Variants in ZNF8 observed in about 807,000 individuals in gnomAD.
The protein encoded by ZNF8 is zinc finger protein 8.
In ZNF8, 9 loss-of-function variants were observed where a neutral mutation model predicts 12.2. The observed-to-expected ratio is 0.73, with a 90% confidence interval of 0.44 to 1.28. The LOEUF is 1.28. ZNF8 is among the 50% of genes most tolerant of loss of function. ZNF8 has a pLI of 0.00. For missense variants in ZNF8, 664 were observed against 729.1 expected (o/e 0.91, Z 1.03); for synonymous variants, 274 against 282.3 (o/e 0.97, Z 0.30).
In ZNF8 at chr19:58,302,093, T is replaced by C. The variant is rs770106980; in HGVS notation, c.*6557T>C. 1.3e-5 allele frequency: 2 copies of C among 152,202 alleles called. No individual in the cohort carries two copies. Among genetic ancestry groups the C allele is most frequent in the Non-Finnish European group, 2.9e-5 (2 of 68,026 alleles). The allele number at this position is 152,202 out of a possible 1,614,324, so 9.4% of individuals were successfully genotyped here. On this transcript the variant is annotated 3_prime_UTR_variant, in exon 4 of 4. Coordinates refer to ENST00000621650, the MANE Select transcript of ZNF8 (RefSeq NM_021089.3). ...TGCTTGGGACCAGAAGTGTTTCAGA[T>C]CTTTGCATATTTTCTGTTTCTCATT...
rs187090690 is a variant in ZNF8 at position 58,295,819 on chromosome 19, C to T, written c.*283C>T. The T allele has an allele frequency of 8.6e-6, 3 of 350,856 alleles. No homozygotes were observed. The highest frequency in any genetic ancestry group is 1.0e-5 in the Non-Finnish European group (2 of 194,064). The allele number at this position is 350,856 out of a possible 1,614,324, so 21.7% of individuals were successfully genotyped here. A position where few individuals can be genotyped will look rare whatever the true frequency, so the allele number is the denominator to read the frequency against. ...TGTAATGTCAAAAAAAATCAATATG[C>T]GGCCCCATTTTGTAAAGGATCATTA... On this transcript the variant is annotated 3_prime_UTR_variant, in exon 4 of 4. Transcript: ENST00000621650.
intron 3 of ZNF8, 119 bp downstream of exon 3, chr19:58,286,324 T>C (rs1363070296): frequency 3.9e-6 from 3 of 772,308 alleles, no homozygotes; most frequent in Non-Finnish European, 6.5e-6. Flanking sequence ...ACTAGGAGTA[T>C]ACAGGACTCA....
In ZNF8 at chr19:58,283,104, A is replaced by G. The variant is rs1013299530; in HGVS notation, c.67-2613A>G. The stretch of plus-strand genomic sequence containing the variant: ...GCACTCCTCCTACATCAGCCTCCCA[A>G]GTAGCTGGGACTACAGGCAGCCTGG... On this transcript the variant is annotated intron_variant, in intron 1 of 3. Coordinates refer to ENST00000621650, the MANE Select transcript of ZNF8 (RefSeq NM_021089.3). Among the ~76,000 whole-genome samples, 6 of 151,256 alleles carry G rather than the reference A, an allele frequency of 4.0e-5. No individual in the cohort carries two copies. The East Asian group carries it at 7.8e-4, about 20-fold the overall frequency.
chr19:58,279,139 C>A lies in ZNF8; in HGVS notation c.58C>A (p.Arg20=), dbSNP rs2051322372. Residue 20 remains arginine (R), a synonymous_variant, in exon 1 of 4, where the codon CGG becomes AGG. Transcript: ENST00000621650. ...GATGTCTGTGGGGCCGCCGGCGGCCCGGCTTCAGGTAACAATAACAACAAT... is the reference window on the plus strand; with the variant it reads ...GATGTCTGTGGGGCCGCCGGCGGCCAGGCTTCAGGTAACAATAACAACAAT... ...GVMSVGPPAA[R]LQEPVTFRDV... 1.9e-6 allele frequency: 3 copies of A among 1,562,134 alleles called. No individual in the cohort carries two copies. The highest frequency in any genetic ancestry group is 2.6e-6 in the Non-Finnish European group (3 of 1,152,900).
In ZNF8 at chr19:58,300,507, G is replaced by A. The variant is rs547397592; in HGVS notation, c.*4971G>A. 2 of 152,370 alleles carry A rather than the reference G, an allele frequency of 1.3e-5. No individual in the cohort carries two copies. Among genetic ancestry groups the A allele is most frequent in the African/African-American group, 4.8e-5 (2 of 41,554 alleles). The allele number at this position is 152,370 out of a possible 1,614,324, so 9.4% of individuals were successfully genotyped here. On this transcript the variant is annotated 3_prime_UTR_variant, in exon 4 of 4. Transcript: ENST00000621650. ...CTCACTGGCCACAGATGGGTCAGGG[G>A]GCCACCCCTAATAACAACGGGGCTT... is the stretch of plus-strand genomic sequence containing the variant.
At chr19:58,289,513 AAAAG>A (rs2051404203) in intron 3 of ZNF8, among the ~76,000 whole-genome samples, 1 of 151,868 alleles carries the variant, frequency 6.6e-6, no homozygotes, top group Non-Finnish European at 1.5e-5. Flanking sequence ...AAAAAAAAAA[AAAAG>A]GACAGATTTA....
intron 1 of ZNF8, chr19:58,279,509 T>G (rs1476939016): frequency 1.3e-5 from 20 of 1,490,814 alleles, no homozygotes; most frequent in Non-Finnish European, 1.8e-5. Flanking sequence ...ATAACAGTAA[T>G]TGTAGCGTTG....
At chr19:58,282,407 C>A (rs1037368285) in intron 1 of ZNF8, among the ~76,000 whole-genome samples, 2 of 152,098 alleles carry the variant, frequency 1.3e-5, no homozygotes, top group African/African-American at 4.8e-5. Flanking sequence ...ATGTGATTCC[C>A]AATTATTATC....
At position 58,300,419 on chromosome 19, in the gene ZNF8, T is replaced by C. The variant is rs2051484490; in HGVS notation, c.*4883T>C. 1 of 152,254 alleles carries C rather than the reference T, an allele frequency of 6.6e-6. No individual in the cohort carries two copies. Among genetic ancestry groups the C allele is most frequent in the South Asian group, 2.1e-4 (1 of 4,838 alleles). 9.4% of individuals were successfully genotyped at this position (152,254 alleles called of 1,614,324 possible). On this transcript the variant is annotated 3_prime_UTR_variant, in exon 4 of 4. Coordinates refer to ENST00000621650, the MANE Select transcript of ZNF8 (RefSeq NM_021089.3). ...AAGGGGGAATGGGCAGGCCAACACTTACCGCTGATGGTGTTTAAAGGAAAA... is the reference window on the plus strand; with the variant it reads ...AAGGGGGAATGGGCAGGCCAACACTCACCGCTGATGGTGTTTAAAGGAAAA...
At chr19:58,281,443 G>A (rs986932901) in intron 1 of ZNF8, among the ~76,000 whole-genome samples, 9 of 152,192 alleles carry the variant, frequency 5.9e-5, no homozygotes, top group African/African-American at 1.9e-4. Context: ...ACAACAAGGA[G>A]TGGGCTTCTG....
Position 58,302,605 on chromosome 19 carries a change from T to C in ZNF8, c.*7069T>C, listed in dbSNP as rs2051497414. On this transcript the variant is annotated 3_prime_UTR_variant, in exon 4 of 4. Transcript: ENST00000621650. ...TCAGGAGGATTGTAACAATGTGCTC[T>C]CCACCCAGTATTTTACCAGCCTTGA... The C allele has an allele frequency of 6.6e-6, 1 of 152,248 alleles. No individual in the cohort carries two copies. Among genetic ancestry groups the C allele is most frequent in the Non-Finnish European group, 1.5e-5 (1 of 68,044 alleles). 9.4% of individuals were successfully genotyped at this position (152,248 alleles called of 1,614,324 possible).
Position 58,294,404 on chromosome 19 carries a change from A to T in ZNF8, c.596A>T (p.Tyr199Phe), listed in dbSNP as rs371432055. Residue 199 changes from tyrosine (Y) to phenylalanine (F), a missense_variant, in exon 4 of 4, where the codon TAT (tyrosine) becomes TTT (phenylalanine). Tyr to Phe is a conservative substitution (Grantham distance 22). Coordinates refer to ENST00000621650, the MANE Select transcript of ZNF8 (RefSeq NM_021089.3). The surrounding 1 kb of genome is among the most constrained non-coding windows in gnomAD (Gnocchi z 5.5). ...TTCCCAGAGATCTCTAGAGGGGAGT[A>T]TTTGTATACTTACGACTCACAGATT... ...NPFPEISRGE[Y>F]LYTYDSQITD... The T allele has an allele frequency of 1.9e-6, 3 of 1,614,068 alleles. No individual in the cohort carries two copies. Among genetic ancestry groups the T allele is most frequent in the Non-Finnish European group, 2.5e-6 (3 of 1,180,014 alleles).
In ZNF8 at chr19:58,294,345, G is replaced by A. The variant is rs34451432; in HGVS notation, c.537G>A (p.Arg179=). 4,504 of 1,614,100 alleles carry A rather than the reference G, an allele frequency of 2.8e-3. 79 individuals carry two copies. In the African/African-American group the frequency reaches 0.046, roughly 16 times the overall value. The part of the protein sequence containing the change: ...QDQGYKTLRL[R]ENCVLSSSPN... The stretch of plus-strand genomic sequence containing the variant: ...AAGGCTACAAAACTCTCAGACTCAG[G>A]GAAAACTGCGTCCTGAGTTCAAGCC... The change falls in exon 4 of 4, where the codon AGG becomes AGA. Residue 179 remains arginine, a synonymous_variant. Transcript: ENST00000621650. The surrounding 1 kb of genome is among the most constrained non-coding windows in gnomAD (Gnocchi z 5.5).
chr19:58,287,835 C>T (rs1481441120), intron 3 of ZNF8, among the ~76,000 whole-genome samples: 2 of 139,584 alleles, frequency 1.4e-5, no homozygotes, highest in African/African-American at 5.2e-5. Flanking sequence ...AATTATTTTA[C>T]TTTTTTTCTT....
At chr19:58,290,893 A>T (rs1216530619) in intron 3 of ZNF8, among the ~76,000 whole-genome samples, 1 of 152,220 alleles carries the variant, frequency 6.6e-6, no homozygotes. Flanking sequence ...TCTACAAAAA[A>T]TGCAAAAAAA....
In ZNF8 at chr19:58,281,103, G is replaced by A. The variant is rs569455302; in HGVS notation, c.66+1956G>A. Among the ~76,000 whole-genome samples, 4 of 152,274 alleles carry A rather than the reference G, an allele frequency of 2.6e-5. No homozygotes were observed. The South Asian group carries it at 8.3e-4, about 32-fold the overall frequency. On this transcript the variant is annotated intron_variant, in intron 1 of 3. Coordinates refer to ENST00000621650, the MANE Select transcript of ZNF8 (RefSeq NM_021089.3). ...TCCTTGGAGGCCATTATATATCTCA[G>A]TCTACCATAGCCAGGCTGAGAGGAG...
intron 1 of ZNF8, chr19:58,280,087 A>G (rs745522321): frequency 8.8e-6 from 3 of 341,122 alleles, no homozygotes; most frequent in East Asian, 1.7e-4. Flanking sequence ...GAGAAAGTGT[A>G]TTAGTTACCT....
chr19:58,284,227 G>GA (rs138263019), intron 1 of ZNF8, among the ~76,000 whole-genome samples: 8 of 149,494 alleles, frequency 5.4e-5, no homozygotes, highest in Admixed American at 1.3e-4. Context: ...CCCATCTCGA[G>GA]AAAAAAAAAA....
In ZNF8 at chr19:58,294,209, C is replaced by T. The variant is rs765119193; in HGVS notation, c.401C>T (p.Pro134Leu). Residue 134 changes from proline (P) to leucine (L), a missense_variant, in exon 4 of 4, where the codon CCC (proline) becomes CTC (leucine). This residue lies in a region of ZNF8 where 306 missense variants were observed against 308.7 expected (regional missense o/e 0.99). Coordinates refer to ENST00000621650, the MANE Select transcript of ZNF8 (RefSeq NM_021089.3). The surrounding 1 kb of genome is among the most constrained non-coding windows in gnomAD (Gnocchi z 5.5). ...GGATTCCCGACAGATGCTCCTTATCCCACCACGTTAGGGAAAGACAGGGAG... is the reference window on the plus strand; with the variant it reads ...GGATTCCCGACAGATGCTCCTTATCTCACCACGTTAGGGAAAGACAGGGAG... Reference protein sequence around the residue: ...REGFPTDAPYPTTLGKDRECQ... With the variant: ...REGFPTDAPYLTTLGKDRECQ... The T allele has an allele frequency of 1.2e-6, 2 of 1,614,174 alleles. No individual in the cohort carries two copies. Among genetic ancestry groups the T allele is most frequent in the African/African-American group, 1.3e-5 (1 of 75,032 alleles).
Sources: gnomAD v4.1 joint callset for allele counts (sites outside exome capture counted in the v4.1 genomes callset) on GRCh38, gnomAD v4.1.1 for gene constraint, gnomAD v4.1.1 regional missense constraint, Gnocchi (gnomAD v3.1) non-coding constraint, MANE v1.5 for transcripts, NCBI Gene and HGNC (gene_info 2026-07-23, HGNC 2026-07-21) for gene names.